TICRR: variants seen among roughly 807,000 people sequenced by gnomAD.
The protein encoded by TICRR is TOPBP1 interacting checkpoint and replication regulator, also known as treslin.
A neutral mutation model predicts 178.1 loss-of-function variants in TICRR; 132 were observed. The observed-to-expected ratio is 0.74, with a 90% confidence interval of 0.64 to 0.86. The LOEUF (loss-of-function observed/expected upper bound fraction) is 0.86, where lower values mean the gene tolerates loss of function less well. Among genes scored for constraint, TICRR ranks in the 40% least tolerant of loss-of-function variants. TICRR has a pLI of 0.00. For missense variants in TICRR, 2,587 were observed against 2,334.3 expected, an observed-to-expected ratio of 1.11 and a Z score of -2.23; for synonymous variants, 991 against 900.7, an observed-to-expected ratio of 1.10 and a Z score of -1.79.
intron 13 of TICRR, among the ~76,000 whole-genome samples, chr15:89,605,014 G>A (rs965820387): frequency 8.6e-5 from 13 of 151,800 alleles, no homozygotes; most frequent in Admixed American, 1.3e-4. Context: ...TTTCTTTTAC[G>A]TATCTTAACT....
At position 89,624,957 on chromosome 15, in the gene TICRR, T is replaced by A. The variant is rs1171495585; in HGVS notation, c.4647T>A (p.His1549Gln). ...ACAACCTGCCAGCATCAGCTTGGCATTCCACAGACTCTGCCAGCCCACAGA... is the reference window on the plus strand; with the variant it reads ...ACAACCTGCCAGCATCAGCTTGGCAATCCACAGACTCTGCCAGCCCACAGA... ...QLDNLPASAWHSTDSASPQTY... is the reference protein window; with the variant it reads ...QLDNLPASAWQSTDSASPQTY... Residue 1549 changes from histidine (H) to glutamine (Q), a missense_variant, in exon 20 of 22, where the codon CAT becomes CAA. By Grantham distance (24) the His-to-Gln change is conservative. Transcript: ENST00000268138. 2 of 1,614,052 alleles carry A rather than the reference T, an allele frequency of 1.2e-6. No individual in the cohort carries two copies. Among genetic ancestry groups the A allele is most frequent in the Non-Finnish European group, 1.7e-6 (2 of 1,180,028 alleles).
At chr15:89,601,161 A>C in intron 9 of TICRR, 137 bp from the exon 10 acceptor site, 1 of 632,282 alleles carries the variant, frequency 1.6e-6, no homozygotes, top group Non-Finnish European at 2.7e-6. Context: ...TAATAACTAC[A>C]TCAGTTTTTA....
chr15:89,587,890 G>C (rs1325948917), intron 4 of TICRR, among the ~76,000 whole-genome samples: 2 of 152,058 alleles, frequency 1.3e-5, no homozygotes, highest in Non-Finnish European at 2.9e-5. Context: ...CAAGGTTTTT[G>C]GTTTTGATTT....
At chr15:89,615,073 G>A (rs917927306) in intron 15 of TICRR, among the ~76,000 whole-genome samples, 17 of 152,222 alleles carry the variant, frequency 1.1e-4, no homozygotes, top group African/African-American at 3.6e-4. Context: ...AGTCCCCTGT[G>A]ATGTCTCATT....
At chr15:89,612,544 A>G (rs145999334) in intron 15 of TICRR, among the ~76,000 whole-genome samples, 68 of 152,324 alleles carry the variant, frequency 4.5e-4, no homozygotes, top group African/African-American at 1.4e-3. Context: ...GAAAAGGGAA[A>G]TGGTAGCCAG....
chr15:89,624,501 G>A lies in TICRR; in HGVS notation c.4191G>A (p.Glu1397=), dbSNP rs537158054. ...CTGATCCCAGAAGGAGCATCGTGGAGTGTCAGCCTGATGCCTCCGCTACTC... is the reference window on the plus strand; with the variant it reads ...CTGATCCCAGAAGGAGCATCGTGGAATGTCAGCCTGATGCCTCCGCTACTC... ...KTSDPRRSIV[E]CQPDASATPG... The change falls in exon 20 of 22, where the codon GAG becomes GAA. Residue 1397 remains glutamate, a synonymous_variant. Transcript: ENST00000268138. 14 of 1,614,144 alleles carry A rather than the reference G, an allele frequency of 8.7e-6. No homozygotes were observed. The African/African-American group carries it at 9.3e-5, about 11-fold the overall frequency.
At chr15:89,599,272 C>T in intron 7 of TICRR, 52 bp from the exon 8 acceptor site, 1 of 1,367,704 alleles carries the variant, frequency 7.3e-7, no homozygotes, top group South Asian at 1.3e-5. Context: ...CTAAGTAATA[C>T]AAGGACTTGA....
intron 7 of TICRR, among the ~76,000 whole-genome samples, chr15:89,598,574 G>T (rs954139301): frequency 6.6e-6 from 1 of 151,400 alleles, no homozygotes; most frequent in Non-Finnish European, 1.5e-5. Flanking sequence ...ATGTTGGCCA[G>T]GCTGGTCTTG....
intron 1 of TICRR, among the ~76,000 whole-genome samples, chr15:89,580,820 C>T (rs1962711139): frequency 6.6e-6 from 1 of 152,054 alleles, no homozygotes; most frequent in Admixed American, 6.6e-5. Context: ...TCTCTTGCAC[C>T]CAGGAGTTTG....
rs1287300090 is a variant in TICRR at position 89,625,413 on chromosome 15, GA to G, written c.5104del (p.Arg1702GlyfsTer69). The G allele has an allele frequency of 1.2e-6, 2 of 1,614,020 alleles. No homozygotes were observed. The highest frequency in any genetic ancestry group is 3.3e-5 in the Admixed American group (2 of 60,026). ...VGCGAGSSSG[R>X]GEVGADLPGS... ...GCTGTGGCGCCGGCTCCTCTTCCGG[GA>G]GGGGCGAGGTCGGTGCAGACCTTCC... On this transcript the variant is annotated frameshift_variant, in exon 20 of 22. Transcript: ENST00000268138. LOFTEE classifies it high-confidence loss of function.
intron 12 of TICRR, 117 bp downstream of exon 12, chr15:89,602,093 C>A: frequency 7.8e-7 from 1 of 1,279,344 alleles, no homozygotes; most frequent in Non-Finnish European, 1.1e-6. Context: ...AATAGCTGCC[C>A]TTATGTCTGA....
intron 1 of TICRR, among the ~76,000 whole-genome samples, chr15:89,577,043 G>A (rs546011471): frequency 3.3e-4 from 50 of 151,746 alleles, no homozygotes; most frequent in African/African-American, 1.2e-3. Context: ...ACAGGCCCAC[G>A]CCACCATGCC....
At chr15:89,622,595 C>A (rs1299827841) in intron 19 of TICRR, among the ~76,000 whole-genome samples, 1 of 135,732 alleles carries the variant, frequency 7.4e-6, no homozygotes, top group East Asian at 2.2e-4. Context: ...AGACATAGAG[C>A]TCTGGAGAAG....
At chr15:89,607,712 C>T (rs2119606) in intron 14 of TICRR, among the ~76,000 whole-genome samples, 40,075 of 151,822 alleles carry the variant, frequency 0.26, 5,997 homozygotes, top group South Asian at 0.37. Context: ...AAGGGTTGCT[C>T]CCAGTTTGTG....
chr15:89,626,363 G>A (rs1356532485), intron 21 of TICRR, among the ~76,000 whole-genome samples: 1 of 152,208 alleles, frequency 6.6e-6, no homozygotes, highest in African/African-American at 2.4e-5. Flanking sequence ...ACAGGAAGGC[G>A]TTCTGAGCAG....
rs762238600 is a variant in TICRR at position 89,616,532 on chromosome 15, C to G, written c.2960+37C>G. ...CCCCATCCGGGCTTCTTCATACACCCACACCACCTCAAAGCGGCCTTGTGG... is the reference window on the plus strand; with the variant it reads ...CCCCATCCGGGCTTCTTCATACACCGACACCACCTCAAAGCGGCCTTGTGG... On this transcript the variant is annotated intron_variant, in intron 16 of 21. Coordinates refer to ENST00000268138, the MANE Select transcript of TICRR (RefSeq NM_152259.4). 19 of 1,559,668 alleles carry G rather than the reference C, an allele frequency of 1.2e-5. No homozygotes were observed. The East Asian group carries it at 4.0e-4, about 33-fold the overall frequency.
rs746667051 is a variant in TICRR, at chr15:89,625,257, C to CA, written c.4948dup (p.Thr1650AsnfsTer6). On this transcript the variant is annotated frameshift_variant, in exon 20 of 22. Transcript: ENST00000268138. LOFTEE classifies it high-confidence loss of function. ...CCTACATCTGCCAGGCCTGTACCCCCACCCACGGCCCTTCTAGTACCCCCT... is the reference window on the plus strand; with the variant it reads ...CCTACATCTGCCAGGCCTGTACCCCCAACCCACGGCCCTTCTAGTACCCCCT... 6.2e-7 allele frequency: 1 copy of CA among 1,613,080 alleles called. No homozygotes were observed. Among genetic ancestry groups the CA allele is most frequent in the Non-Finnish European group, 8.5e-7 (1 of 1,179,128 alleles).
chr15:89,598,263 A>G (rs538246820), intron 7 of TICRR, among the ~76,000 whole-genome samples: 3 of 152,112 alleles, frequency 2.0e-5, no homozygotes, highest in South Asian at 2.1e-4. Context: ...GTGAGCCACC[A>G]CACCCGGCCC....
intron 19 of TICRR, among the ~76,000 whole-genome samples, chr15:89,623,289 C>A (rs192002985): frequency 1.1e-4 from 16 of 152,316 alleles, no homozygotes; most frequent in African/African-American, 3.6e-4. Context: ...GAAATAGCTG[C>A]CTTATCTGAA....
Sources: allele counts gnomAD v4.1 joint callset (sites outside exome capture counted in the v4.1 genomes callset), GRCh38; gene constraint gnomAD v4.1.1; transcripts MANE v1.5; gene names NCBI Gene and HGNC (gene_info 2026-07-23, HGNC 2026-07-21).